Variants in DAO observed in about 807,000 individuals in gnomAD.
The protein encoded by DAO is D-amino acid oxidase.
Under a neutral mutation model 50.1 loss-of-function variants are expected in DAO, and 51 were observed. The ratio of observed to expected loss-of-function variants is 1.02; its 90% CI spans 0.81 to 1.29. The LOEUF (loss-of-function observed/expected upper bound fraction) is 1.29. Among genes scored for constraint, DAO ranks in the 50% most tolerant of loss-of-function variants. DAO has a pLI of 0.00. For synonymous variants in DAO, 160 were observed against 166.2 expected (o/e 0.96, Z 0.29); for missense variants, 436 against 439.4 (o/e 0.99, Z 0.07).
chr12:108,890,349 C>A, intron 5 of DAO, 76 bp downstream of exon 5: 2 of 1,153,170 alleles, frequency 1.7e-6, no homozygotes, highest in Non-Finnish European at 2.6e-6. Flanking sequence ...TCGTGGGCTT[C>A]CCTCAGCATG....
At chr12:108,888,317 T>A (rs988168116) in intron 3 of DAO, among the ~76,000 whole-genome samples, 1 of 151,356 alleles carries the variant, frequency 6.6e-6, no homozygotes, top group African/African-American at 2.4e-5. Context: ...ACATTATCTG[T>A]TACCTTTCAT....
chr12:108,899,667 G>A, intron 10 of DAO, 192 bp downstream of exon 10: 2 of 642,638 alleles, frequency 3.1e-6, no homozygotes. Context: ...CCTGCTCAAG[G>A]TTACATAGAG....
intron 7 of DAO, among the ~76,000 whole-genome samples, chr12:108,894,899 A>G (rs2039530755): frequency 6.6e-6 from 1 of 152,076 alleles, no homozygotes; most frequent in Non-Finnish European, 1.5e-5. Context: ...TATTTTTTGT[A>G]GAGAAAGGAT....
Position 108,890,345 on chromosome 12 carries a change from G to T in DAO, c.452+72G>T, listed in dbSNP as rs992917359. 5.9e-6 allele frequency: 7 copies of T among 1,182,006 alleles called. No individual in the cohort carries two copies. The African/African-American group carries it at 9.0e-5, about 15-fold the overall frequency. 73.2% of individuals were successfully genotyped at this position (1,182,006 alleles called of 1,614,324 possible). ...AGTTGTAGTGGAAGATGGTTCGTGGGCTTCCCTCAGCATGGACTAACCCCC... is the reference window on the plus strand; with the variant it reads ...AGTTGTAGTGGAAGATGGTTCGTGGTCTTCCCTCAGCATGGACTAACCCCC... On this transcript the variant is annotated intron_variant, in intron 5 of 10. Transcript: ENST00000228476.
chr12:108,887,552 T>C lies in DAO; in HGVS notation c.297T>C (p.His99=), dbSNP rs767191375. The change falls in exon 3 of 11, where the codon CAT becomes CAC. Residue 99 remains histidine, a synonymous_variant. Coordinates refer to ENST00000228476, the MANE Select transcript of DAO (RefSeq NM_001917.5). Reference sequence around the variant, plus strand: ...TAATCTCGGGCTACAACCTCTTCCATGAAGCCATTCCGGTGGGTGAACAGT... The same window carrying C: ...TAATCTCGGGCTACAACCTCTTCCACGAAGCCATTCCGGTGGGTGAACAGT... ...LFLISGYNLF[H]EAIPDPSWKD... 5 of 1,612,904 alleles carry C rather than the reference T, an allele frequency of 3.1e-6. No individual in the cohort carries two copies. In the African/African-American group the frequency reaches 6.7e-5, roughly 22 times the overall value.
intron 5 of DAO, 97 bp from the exon 6 acceptor site, chr12:108,892,885 G>A (rs893472976): frequency 7.0e-5 from 75 of 1,076,318 alleles, no homozygotes; most frequent in Non-Finnish European, 9.5e-5. Context: ...ACTAACGTCC[G>A]CAGAAGGTTG....
chr12:108,882,109 G>A (rs1221200284), intron 1 of DAO, among the ~76,000 whole-genome samples: 3 of 152,168 alleles, frequency 2.0e-5, no homozygotes, highest in Non-Finnish European at 4.4e-5. Flanking sequence ...AAGCACCTAG[G>A]CTTATGAGTC....
At chr12:108,880,406 C>T in intron 1 of DAO, 182 bp downstream of exon 1, 1 of 310,712 alleles carries the variant, frequency 3.2e-6, no homozygotes, top group South Asian at 2.9e-5. Flanking sequence ...GTGATTTTTC[C>T]CTCCCCAAGC....
chr12:108,888,229 G>T (rs2039455304), intron 3 of DAO, among the ~76,000 whole-genome samples: 2 of 152,210 alleles, frequency 1.3e-5, no homozygotes, highest in South Asian at 4.1e-4. Flanking sequence ...GGAGAGGGTG[G>T]TCTGGCGCTG....
At chr12:108,897,675 AG>A (rs2039574318) in intron 8 of DAO, among the ~76,000 whole-genome samples, 1 of 150,624 alleles carries the variant, frequency 6.6e-6, no homozygotes, top group Non-Finnish European at 1.5e-5. Flanking sequence ...AGTGGTATGT[AG>A]GTGGCTCACG....
intron 3 of DAO, among the ~76,000 whole-genome samples, chr12:108,888,097 C>T (rs2039454154): frequency 6.6e-6 from 1 of 152,158 alleles, no homozygotes; most frequent in South Asian, 2.1e-4. Flanking sequence ...AGTAACTTGC[C>T]CAAGGCCACA....
intron 10 of DAO, chr12:108,899,892 T>C (rs577504345): frequency 1.9e-4 from 62 of 318,096 alleles, no homozygotes; most frequent in African/African-American, 1.3e-3. Context: ...ACAGTATCAA[T>C]GGCAGTGTTA....
intron 7 of DAO, among the ~76,000 whole-genome samples, chr12:108,894,826 C>A (rs928429015): frequency 2.0e-4 from 30 of 152,146 alleles, no homozygotes; most frequent in African/African-American, 7.0e-4. Flanking sequence ...CAGGCTCCCA[C>A]CTTAGCCTAC....
intron 6 of DAO, among the ~76,000 whole-genome samples, chr12:108,893,292 T>G (rs113798525): frequency 0.015 from 2,230 of 152,258 alleles, 50 homozygotes; most frequent in African/African-American, 0.048. Context: ...GAGTTTTGGG[T>G]CTAGAGAGCT....
intron 9 of DAO, 148 bp downstream of exon 9, chr12:108,898,944 G>A (rs1224866971): frequency 1.4e-6 from 1 of 710,574 alleles, no homozygotes; most frequent in Non-Finnish European, 2.6e-6. Context: ...ATTTGATAAT[G>A]TACAGGGAAG....
At chr12:108,892,610 C>T (rs1240541645) in intron 5 of DAO, among the ~76,000 whole-genome samples, 2 of 152,312 alleles carry the variant, frequency 1.3e-5, no homozygotes, top group Middle Eastern at 3.4e-3. Context: ...CCCTTCTCTA[C>T]TCTGAATCTC....
chr12:108,892,074 T>C (rs1034709999), intron 5 of DAO, among the ~76,000 whole-genome samples: 4 of 152,052 alleles, frequency 2.6e-5, no homozygotes, highest in Admixed American at 6.6e-5. Context: ...ATGATGGAAA[T>C]GAGATAGTTC....
intron 7 of DAO, among the ~76,000 whole-genome samples, chr12:108,895,478 T>C (rs111164492): frequency 1.4e-5 from 2 of 138,000 alleles, no homozygotes; most frequent in Non-Finnish European, 3.0e-5. Context: ...TGATTGTGCA[T>C]GTATGTGAGG....
chr12:108,889,057 T>C (rs984982352), intron 3 of DAO, among the ~76,000 whole-genome samples: 1 of 152,166 alleles, frequency 6.6e-6, no homozygotes, highest in Admixed American at 6.6e-5. Flanking sequence ...AAGAAAATGC[T>C]TGGAACAGTG....
Sources: allele counts gnomAD v4.1 joint callset (sites outside exome capture counted in the v4.1 genomes callset), GRCh38; gene constraint gnomAD v4.1.1; transcripts MANE v1.5; gene names NCBI Gene and HGNC (gene_info 2026-07-23, HGNC 2026-07-21).